The following GSE1 variants were observed in gnomAD, a reference collection of about 807,000 sequenced individuals.
The protein encoded by GSE1 is Gse1 coiled-coil protein.
GSE1 carries 32 observed loss-of-function variants against 112.6 expected under a neutral mutation model. The observed-to-expected ratio is 0.28, with a 90% CI of 0.21 to 0.38. The LOEUF (loss-of-function observed/expected upper bound fraction) is 0.38, where lower values mean the gene tolerates loss of function less well. Among genes scored for constraint, GSE1 ranks in the 10% least tolerant of loss-of-function variants. The probability of loss-of-function intolerance (pLI) is 1.00; values close to 1 mark genes in which losing one functional copy is unlikely to be tolerated. For missense variants in GSE1, 2,348 were observed against 1,699.2 expected (o/e 1.38, Z -6.71); for synonymous variants, 1,115 against 735.6 (o/e 1.52, Z -8.35).
intron 1 of GSE1, among the ~76,000 whole-genome samples, chr16:85,350,784 A>G (rs1050070215): frequency 1.2e-4 from 19 of 152,006 alleles, no homozygotes; most frequent in East Asian, 1.9e-4. Flanking sequence ...TGTCACTATC[A>G]TTTTTTCTTC....
intron 8 of GSE1, among the ~76,000 whole-genome samples, chr16:85,660,867 T>C (rs1473753866): frequency 6.6e-6 from 1 of 152,098 alleles, no homozygotes. Flanking sequence ...GCTGACCTTG[T>C]GATCCACCCT....
At chr16:85,383,735 G>A (rs1340970170) in intron 2 of GSE1, among the ~76,000 whole-genome samples, 1 of 152,138 alleles carries the variant, frequency 6.6e-6, no homozygotes, top group African/African-American at 2.4e-5. Flanking sequence ...TGGCTGGCTC[G>A]TGAGGGTGGC....
intron 2 of GSE1, among the ~76,000 whole-genome samples, chr16:85,512,106 G>C (rs957926661): frequency 6.6e-6 from 1 of 152,176 alleles, no homozygotes; most frequent in Non-Finnish European, 1.5e-5. Flanking sequence ...TTTGCACAAG[G>C]TGTAAGGAGC....
intron 2 of GSE1, among the ~76,000 whole-genome samples, chr16:85,385,488 G>A (rs1054049664): frequency 1.2e-4 from 18 of 152,144 alleles, no homozygotes; most frequent in African/African-American, 4.3e-4. Context: ...ACCCGTGGCA[G>A]ACAGCTCCTT....
intron 2 of GSE1, among the ~76,000 whole-genome samples, chr16:85,502,750 G>A (rs2051412130): frequency 6.6e-6 from 1 of 152,252 alleles, no homozygotes; most frequent in South Asian, 2.1e-4. Context: ...CCATCTTGGT[G>A]TCCGTGGAGC....
At chr16:85,567,353 C>T (rs966523851) in intron 1 of GSE1, among the ~76,000 whole-genome samples, 2 of 152,302 alleles carry the variant, frequency 1.3e-5, no homozygotes, top group Admixed American at 1.3e-4. Flanking sequence ...GGGGTGGAGC[C>T]GGTCTCTGCC....
intron 2 of GSE1, among the ~76,000 whole-genome samples, chr16:85,408,723 G>T (rs1380444762): frequency 1.6e-5 from 1 of 62,562 alleles, no homozygotes; most frequent in East Asian, 6.1e-4. Flanking sequence ...AGGGCACCTG[G>T]ATAATCCTCA....
intron 1 of GSE1, among the ~76,000 whole-genome samples, chr16:85,588,361 G>A (rs1341191894): frequency 1.3e-5 from 2 of 152,202 alleles, no homozygotes; most frequent in Non-Finnish European, 1.5e-5. Flanking sequence ...TCCCCGCTGC[G>A]GGCCTTGGGG....
chr16:85,666,087 C>T lies in GSE1; in HGVS notation c.2870C>T (p.Pro957Leu), dbSNP rs1407336961. Residue 957 changes from proline (P) to leucine (L), a missense_variant, in exon 13 of 16, where the codon CCC becomes CTC. By Grantham distance (98) the Pro-to-Leu change is moderately conservative. Transcript: ENST00000253458. ...AEPGKLEQVR[P>L]QELSRVQELA... ...CCTGGGAAGCTGGAACAGGTCCGGC[C>T]CCAGGAGCTGTCGAGAGTCCAGGAG... The T allele has an allele frequency of 1.2e-6, 2 of 1,613,134 alleles. No individual in the cohort carries two copies. The highest frequency in any genetic ancestry group is 1.3e-5 in the African/African-American group (1 of 74,926).
chr16:85,560,128 C>CTTTTTTTT (rs377241566), intron 1 of GSE1, among the ~76,000 whole-genome samples: 194 of 99,144 alleles, frequency 2.0e-3, no homozygotes, highest in East Asian at 3.1e-3. Context: ...TCTTCTTCTT[C>CTTTTTTTT]TTTTTTTTTT....
intron 2 of GSE1, among the ~76,000 whole-genome samples, chr16:85,449,607 G>T (rs1163460326): frequency 2.0e-5 from 3 of 152,246 alleles, no homozygotes; most frequent in African/African-American, 7.2e-5. Context: ...CGGAATGGAC[G>T]CTTATGAAGC....
At chr16:85,226,844 T>G (rs1567622769) in intron 1 of GSE1, among the ~76,000 whole-genome samples, 1 of 150,064 alleles carries the variant, frequency 6.7e-6, no homozygotes, top group Non-Finnish European at 1.5e-5. Context: ...CTAGCACCCC[T>G]CTGTTCCTCT....
At chr16:85,281,728 T>A (rs2044863470) in intron 1 of GSE1, among the ~76,000 whole-genome samples, 1 of 152,142 alleles carries the variant, frequency 6.6e-6, no homozygotes, top group South Asian at 2.1e-4. Flanking sequence ...TCAGCCCACT[T>A]CAGGTTATAG....
chr16:85,652,112 G>GT lies in GSE1; in HGVS notation c.427-2165dup, dbSNP rs761574633. ...GTCCGGGCCCCCACCCTGCTGGTGCGTCCCCCACATGCCCGTGCACAGCTG... is the reference window on the plus strand; with the variant it reads ...GTCCGGGCCCCCACCCTGCTGGTGCGTTCCCCCACATGCCCGTGCACAGCTG... On this transcript the variant is annotated intron_variant, in intron 3 of 15. Coordinates refer to ENST00000253458, the MANE Select transcript of GSE1 (RefSeq NM_014615.5). Among the ~76,000 whole-genome samples the GT allele has an allele frequency of 1.9e-3, 286 of 152,356 alleles. 5 individuals are homozygous for GT. Among genetic ancestry groups the GT allele is most frequent in the Non-Finnish European group, 3.6e-3 (243 of 68,030 alleles).
intron 1 of GSE1, among the ~76,000 whole-genome samples, chr16:85,288,239 C>CA (rs927787455): frequency 1.0e-4 from 15 of 149,692 alleles, no homozygotes; most frequent in African/African-American, 2.0e-4. Flanking sequence ...GAATCTGACC[C>CA]AAAAAAAAAG....
intron 1 of GSE1, among the ~76,000 whole-genome samples, chr16:85,564,052 T>G (rs537189800): frequency 4.6e-5 from 7 of 152,296 alleles, no homozygotes; most frequent in African/African-American, 1.7e-4. Flanking sequence ...GCTGCGTCAG[T>G]CCACTGGGCA....
At chr16:85,377,579 T>C (rs547726769) in intron 2 of GSE1, among the ~76,000 whole-genome samples, 27 of 152,336 alleles carry the variant, frequency 1.8e-4, no homozygotes, top group African/African-American at 6.5e-4. Flanking sequence ...ATGAGGGCAC[T>C]GTGAGAAGGA....
chr16:85,353,668 T>C (rs957809988), intron 1 of GSE1, among the ~76,000 whole-genome samples: 1 of 152,174 alleles, frequency 6.6e-6, no homozygotes, highest in African/African-American at 2.4e-5. Context: ...CCCTGTCTCT[T>C]AATAAAAACA....
At chr16:85,309,487 C>T (rs995866490) in intron 1 of GSE1, among the ~76,000 whole-genome samples, 2 of 143,536 alleles carry the variant, frequency 1.4e-5, no homozygotes, top group Admixed American at 7.6e-5. Flanking sequence ...GAGCCAGACC[C>T]TGTCTCTAAA....
Sources: allele counts gnomAD v4.1 joint callset (sites outside exome capture counted in the v4.1 genomes callset), GRCh38; gene constraint gnomAD v4.1.1; transcripts MANE v1.5; gene names NCBI Gene and HGNC (gene_info 2026-07-23, HGNC 2026-07-21).